The following SUSD4 variants were observed in gnomAD, a reference collection of about 807,000 sequenced individuals.
SUSD4 encodes the protein sushi domain containing 4.
Under a neutral mutation model 50.5 loss-of-function variants are expected in SUSD4, and 41 were observed. The ratio of observed to expected loss-of-function variants is 0.81; its 90% CI spans 0.63 to 1.05. The LOEUF is 1.05. Ranked by LOEUF, SUSD4 falls within the 50% of genes least tolerant of loss-of-function variation. The pLI is 0.00. For synonymous variants in SUSD4, 257 were observed against 257.3 expected (o/e 1.00, Z 0.01); for missense variants, 580 against 634.7 (o/e 0.91, Z 0.93).
At position 223,361,738 on chromosome 1, in the gene SUSD4, C is replaced by G. The variant is rs893726146; in HGVS notation, c.148+1540G>C. ...TGTCATCTACATAAGAGAAATGGAC[C>G]AAGAAGATGGAAAATCATGTGGACC... On this transcript the variant is annotated intron_variant, in intron 2 of 8. Coordinates refer to ENST00000366878, the MANE Select transcript of SUSD4 (RefSeq NM_017982.4). Among the ~76,000 whole-genome samples the G allele has an allele frequency of 9.2e-5, 14 of 152,270 alleles. No individual in the cohort carries two copies. The South Asian group carries it at 2.1e-3, about 23-fold the overall frequency.
intron 4 of SUSD4, 118 bp downstream of exon 4, chr1:223,268,384 T>C: frequency 1.5e-6 from 2 of 1,353,190 alleles, no homozygotes; most frequent in South Asian, 3.0e-5. Context: ...GTGGGGTAGA[T>C]GGCTTTGTTC....
At chr1:223,351,535 A>G (rs2102576179) in intron 2 of SUSD4, among the ~76,000 whole-genome samples, 1 of 152,316 alleles carries the variant, frequency 6.6e-6, no homozygotes, top group South Asian at 2.1e-4. Context: ...CTGGGGAGGA[A>G]GCCAAGGACC....
chr1:223,222,079 A>G lies in SUSD4; in HGVS notation c.*113T>C. The G allele has an allele frequency of 9.5e-7, 1 of 1,047,808 alleles. No homozygotes were observed. Among genetic ancestry groups the G allele is most frequent in the Non-Finnish European group, 1.4e-6 (1 of 707,524 alleles). 64.9% of individuals were successfully genotyped at this position (1,047,808 alleles called of 1,614,324 possible). On this transcript the variant is annotated 3_prime_UTR_variant, in exon 9 of 9. Coordinates refer to ENST00000366878, the MANE Select transcript of SUSD4 (RefSeq NM_017982.4). ...ATGCATAATGTGAACTGTGGTCCCCATGTAGACAAGTTAGACATTTTGCCC... is the reference window on the plus strand; with the variant it reads ...ATGCATAATGTGAACTGTGGTCCCCGTGTAGACAAGTTAGACATTTTGCCC...
In SUSD4 at chr1:223,346,764, A is replaced by C. The variant is rs929019722; in HGVS notation, c.148+16514T>G. Among the ~76,000 whole-genome samples the C allele has an allele frequency of 5.3e-5, 8 of 152,356 alleles. 1 individual carries two copies. Among genetic ancestry groups the C allele is most frequent in the Middle Eastern group, 6.8e-3 (2 of 294 alleles). ...AAGCACTTCAAAAGTGCCTGGTATG[A>C]ACAAGTAATTGATAAATGCTACCCA... On this transcript the variant is annotated intron_variant, in intron 2 of 8. Coordinates refer to ENST00000366878, the MANE Select transcript of SUSD4 (RefSeq NM_017982.4).
At chr1:223,281,970 A>G (rs1478585807) in intron 3 of SUSD4, among the ~76,000 whole-genome samples, 1 of 152,256 alleles carries the variant, frequency 6.6e-6, no homozygotes, top group Non-Finnish European at 1.5e-5. Flanking sequence ...GCATATAAAC[A>G]GAACCAAAGA....
At chr1:223,279,364 G>A (rs921343155) in intron 3 of SUSD4, among the ~76,000 whole-genome samples, 2 of 152,192 alleles carry the variant, frequency 1.3e-5, no homozygotes, top group African/African-American at 4.8e-5. Context: ...AACCAGTGTA[G>A]AGAAGTCCTT....
At chr1:223,331,600 C>A (rs1268820852) in intron 2 of SUSD4, among the ~76,000 whole-genome samples, 1 of 152,224 alleles carries the variant, frequency 6.6e-6, no homozygotes, top group Admixed American at 6.5e-5. Context: ...GCCTTTGATG[C>A]TATCTGCATA....
At chr1:223,224,445 G>C (rs1659355308) in intron 7 of SUSD4, among the ~76,000 whole-genome samples, 2 of 151,796 alleles carry the variant, frequency 1.3e-5, no homozygotes, top group South Asian at 4.1e-4. Context: ...TCTGCATTCA[G>C]TATAAAAATC....
chr1:223,260,745 C>T (rs914836360), intron 5 of SUSD4, among the ~76,000 whole-genome samples: 4 of 152,236 alleles, frequency 2.6e-5, no homozygotes, highest in African/African-American at 9.6e-5. Flanking sequence ...AATCTTCCCA[C>T]TATCCATGAG....
At chr1:223,338,479 CTCCCCCTGCAGCAAGGGG>C (rs1220972598) in intron 2 of SUSD4, among the ~76,000 whole-genome samples, 1 of 152,190 alleles carries the variant, frequency 6.6e-6, no homozygotes, top group Non-Finnish European at 1.5e-5. Flanking sequence ...GAGTTTCTAT[CTCCCCCTGCAGCAAGGGG>C]CACTCAGCAG....
At position 223,221,219 on chromosome 1, in the gene SUSD4, T is replaced by A; in HGVS notation, c.*973A>T. The A allele has an allele frequency of 2.5e-6, 1 of 399,572 alleles. No homozygotes were observed. Among genetic ancestry groups the A allele is most frequent in the Non-Finnish European group, 4.4e-6 (1 of 226,006 alleles). The allele number at this position is 399,572 out of a possible 1,614,324, so 24.8% of individuals were successfully genotyped here. Reference sequence around the variant, plus strand: ...CACTTCTTTTGAAGGTCGGATATGTTTACAGAAACAATTTCTGTTTTGGAA... The same window carrying A: ...CACTTCTTTTGAAGGTCGGATATGTATACAGAAACAATTTCTGTTTTGGAA... On this transcript the variant is annotated 3_prime_UTR_variant, in exon 9 of 9. Coordinates refer to ENST00000366878, the MANE Select transcript of SUSD4 (RefSeq NM_017982.4).
intron 5 of SUSD4, among the ~76,000 whole-genome samples, chr1:223,257,077 A>T (rs1445021648): frequency 6.6e-6 from 1 of 152,218 alleles, no homozygotes; most frequent in Non-Finnish European, 1.5e-5. Flanking sequence ...TTTTAGTTAT[A>T]ACAGCTGCAA....
At chr1:223,283,493 C>T (rs1425929607) in intron 3 of SUSD4, among the ~76,000 whole-genome samples, 1 of 152,208 alleles carries the variant, frequency 6.6e-6, no homozygotes, top group Non-Finnish European at 1.5e-5. Flanking sequence ...CTCATCATCA[C>T]TGGCCATCAG....
At chr1:223,250,068 C>T (rs1661199635) in intron 5 of SUSD4, among the ~76,000 whole-genome samples, 1 of 152,226 alleles carries the variant, frequency 6.6e-6, no homozygotes, top group African/African-American at 2.4e-5. Flanking sequence ...GGTTCACATC[C>T]TGGCTCAAAC....
Position 223,292,494 on chromosome 1 carries a change from A to G in SUSD4, c.306T>C (p.His102=), listed in dbSNP as rs368754987. 167 of 1,614,076 alleles carry G rather than the reference A, an allele frequency of 1.0e-4. No individual in the cohort carries two copies. The highest frequency in any genetic ancestry group is 1.3e-4 in the Non-Finnish European group (154 of 1,180,032). ...GGATCCAGCCTAGGGTTCCATTAAA[A>G]TGCTTCAAACACAGTCTCTTTGTAG... ...KGATKRLCLK[H]FNGTLGWIPS... is the part of the protein sequence containing the mutation. The change falls in exon 3 of 9, where the codon CAT becomes CAC. Residue 102 remains histidine (H), a synonymous_variant. Transcript: ENST00000366878.
chr1:223,348,996 G>A (rs1221941755), intron 2 of SUSD4, among the ~76,000 whole-genome samples: 1 of 152,038 alleles, frequency 6.6e-6, no homozygotes, highest in Non-Finnish European at 1.5e-5. Flanking sequence ...CAAGCAGAGA[G>A]GGGCAAGCAA....
chr1:223,274,974 T>C (rs1020412085), intron 3 of SUSD4, among the ~76,000 whole-genome samples: 8 of 152,214 alleles, frequency 5.3e-5, no homozygotes, highest in African/African-American at 1.7e-4. Context: ...AGTCCAAAAA[T>C]ACTGACTGTT....
At chr1:223,279,788 A>G (rs1663559104) in intron 3 of SUSD4, among the ~76,000 whole-genome samples, 1 of 148,134 alleles carries the variant, frequency 6.8e-6, no homozygotes, top group Non-Finnish European at 1.5e-5. Flanking sequence ...CATAATTGTC[A>G]GATTCACTGA....
chr1:223,274,056 T>C (rs577722723), intron 3 of SUSD4, among the ~76,000 whole-genome samples: 110 of 152,296 alleles, frequency 7.2e-4, no homozygotes, highest in African/African-American at 2.1e-3. Context: ...TCTTGGGGAC[T>C]CTGAACTTAG....
Sources: allele counts gnomAD v4.1 joint callset (sites outside exome capture counted in the v4.1 genomes callset), GRCh38; gene constraint gnomAD v4.1.1; transcripts MANE v1.5; gene names NCBI Gene and HGNC (gene_info 2026-07-23, HGNC 2026-07-21).